CIBAR1: variants seen among roughly 807,000 people sequenced by gnomAD.
The protein encoded by CIBAR1 is CBY1 interacting BAR domain containing 1.
Under a neutral mutation model 44.0 loss-of-function variants are expected in CIBAR1, and 25 were observed. The ratio of observed to expected loss-of-function variants is 0.57; its 90% confidence interval spans 0.41 to 0.79. The LOEUF (loss-of-function observed/expected upper bound fraction) is 0.79. Ranked by LOEUF, CIBAR1 falls within the 30% of genes least tolerant of loss-of-function variation. The pLI is 0.00. For missense variants in CIBAR1, 278 were observed against 344.8 expected, an observed-to-expected ratio of 0.81 and a Z score of 1.53; for synonymous variants, 115 against 119.0, an observed-to-expected ratio of 0.97 and a Z score of 0.22.
At chr8:93,709,917 T>A in intron 6 of CIBAR1, 42 bp downstream of exon 6, 1 of 1,229,468 alleles carries the variant, frequency 8.1e-7, no homozygotes, top group South Asian at 1.4e-5. Context: ...GTTTTTAACC[T>A]TTTTTTTTAC....
At chr8:93,708,223 C>A (rs1269662441) in intron 5 of CIBAR1, among the ~76,000 whole-genome samples, 2 of 152,050 alleles carry the variant, frequency 1.3e-5, no homozygotes, top group Admixed American at 1.3e-4. Context: ...ATAATATTAG[C>A]ACAAGAAACA....
At chr8:93,719,269 T>C (rs964338033) in intron 7 of CIBAR1, among the ~76,000 whole-genome samples, 1 of 152,214 alleles carries the variant, frequency 6.6e-6, no homozygotes, top group Non-Finnish European at 1.5e-5. Context: ...AAATTAACCA[T>C]GGCAAAAGTT....
At chr8:93,710,006 C>T (rs1282364110) in intron 6 of CIBAR1, 131 bp downstream of exon 6, 10 of 650,516 alleles carry the variant, frequency 1.5e-5, no homozygotes, top group South Asian at 5.9e-5. Context: ...AATAAGGGGG[C>T]GGGCACAGTG....
chr8:93,717,604 A>G (rs892831967), intron 6 of CIBAR1, among the ~76,000 whole-genome samples: 2 of 152,190 alleles, frequency 1.3e-5, no homozygotes, highest in African/African-American at 4.8e-5. Context: ...GCTGGAGGAA[A>G]GAATCACAGG....
intron 2 of CIBAR1, chr8:93,702,169 T>C: frequency 2.5e-6 from 1 of 393,846 alleles, no homozygotes; most frequent in Non-Finnish European, 5.1e-6. Flanking sequence ...TTTCAGAACC[T>C]AAAACGGGAA....
rs535936239 is a variant in CIBAR1, at chr8:93,724,744, T to C, written c.658-1650T>C. The stretch of plus-strand genomic sequence containing the variant: ...AACTATTTAAAGTTCAATTTAAAAA[T>C]TCAGCTCCTCGGCCACGTGAACCAC... On this transcript the variant is annotated intron_variant, in intron 7 of 8. Transcript: ENST00000518322. 5 of 1,008,988 alleles carry C rather than the reference T, an allele frequency of 5.0e-6. No homozygotes were observed. In the South Asian group the frequency reaches 1.0e-4, roughly 20 times the overall value. 62.5% of individuals were successfully genotyped at this position (1,008,988 alleles called of 1,614,324 possible).
intron 7 of CIBAR1, among the ~76,000 whole-genome samples, chr8:93,725,428 A>G (rs955890596): frequency 6.6e-6 from 1 of 152,232 alleles, no homozygotes; most frequent in Admixed American, 6.5e-5. Flanking sequence ...GAAGGGGGTC[A>G]GTGAGGATGA....
Position 93,701,370 on chromosome 8 carries a change from A to G in CIBAR1, c.173A>G (p.Tyr58Cys), listed in dbSNP as rs748261801. Reference protein sequence around the residue: ...ADLLVNEINAYAATETPHLKL... With the variant: ...ADLLVNEINACAATETPHLKL... ...CTCCTGGTGAATGAAATTAACGCGT[A>G]TGCTGCTACAGAGACCCCGCATTTA... is the stretch of plus-strand genomic sequence containing the variant. The change falls in exon 2 of 9, where the codon TAT (tyrosine) becomes TGT (cysteine). Residue 58 changes from tyrosine (Y) to cysteine (C), a missense_variant. This residue lies in a region of CIBAR1 where 183 missense variants were observed against 218.6 expected (regional missense o/e 0.84). Transcript: ENST00000518322. 3 of 1,613,876 alleles carry G rather than the reference A, an allele frequency of 1.9e-6. No individual in the cohort carries two copies. In the South Asian group the frequency reaches 3.3e-5, roughly 18 times the overall value.
chr8:93,709,915 C>T, intron 6 of CIBAR1, 40 bp downstream of exon 6: 1 of 1,451,244 alleles, frequency 6.9e-7, no homozygotes, highest in Non-Finnish European at 9.4e-7. Flanking sequence ...ATGTTTTTAA[C>T]CTTTTTTTTT....
chr8:93,714,852 A>G (rs747603317), intron 6 of CIBAR1, among the ~76,000 whole-genome samples: 2 of 152,178 alleles, frequency 1.3e-5, no homozygotes, highest in Non-Finnish European at 2.9e-5. Flanking sequence ...TCTCATAAAC[A>G]TTTCTGTGAG....
intron 7 of CIBAR1, among the ~76,000 whole-genome samples, 167 bp downstream of exon 7, chr8:93,718,955 G>A (rs987124362): frequency 2.6e-5 from 4 of 151,658 alleles, no homozygotes; most frequent in Admixed American, 6.6e-5. Context: ...CTTCCGTCTC[G>A]TGGGTTTAAG....
At chr8:93,709,916 C>A in intron 6 of CIBAR1, 41 bp downstream of exon 6, 2 of 1,412,556 alleles carry the variant, frequency 1.4e-6, no homozygotes, top group Non-Finnish European at 1.9e-6. Context: ...TGTTTTTAAC[C>A]TTTTTTTTTA....
At chr8:93,714,650 CTT>C (rs879352220) in intron 6 of CIBAR1, among the ~76,000 whole-genome samples, 3 of 145,036 alleles carry the variant, frequency 2.1e-5, no homozygotes, top group Admixed American at 6.9e-5. Flanking sequence ...AGCCCCCTTA[CTT>C]TTTTTTTTTT....
chr8:93,703,112 A>G (rs563515954), intron 2 of CIBAR1, among the ~76,000 whole-genome samples: 40 of 152,314 alleles, frequency 2.6e-4, no homozygotes, highest in Non-Finnish European at 4.9e-4. Flanking sequence ...CTTGTTCTGT[A>G]GGCTTCGATA....
chr8:93,702,863 C>T (rs1369299947), intron 2 of CIBAR1, among the ~76,000 whole-genome samples: 1 of 152,060 alleles, frequency 6.6e-6, no homozygotes, highest in Non-Finnish European at 1.5e-5. Context: ...CAATTGAATA[C>T]ATCACCTATC....
intron 3 of CIBAR1, among the ~76,000 whole-genome samples, chr8:93,704,254 A>G (rs1041911302): frequency 6.6e-6 from 1 of 152,224 alleles, no homozygotes. Context: ...GCTTTACTAT[A>G]TGAATATAAG....
intron 4 of CIBAR1, among the ~76,000 whole-genome samples, chr8:93,707,669 T>C (rs1810653521): frequency 6.6e-6 from 1 of 152,182 alleles, no homozygotes; most frequent in African/African-American, 2.4e-5. Context: ...GTGATGAAGT[T>C]GTGGTTTAAA....
At chr8:93,717,477 G>A (rs750515548) in intron 6 of CIBAR1, among the ~76,000 whole-genome samples, 2 of 152,132 alleles carry the variant, frequency 1.3e-5, no homozygotes, top group East Asian at 1.9e-4. Context: ...GTGAATCATC[G>A]TTACAAGTCT....
At position 93,700,560 on chromosome 8, in the gene CIBAR1, C is replaced by G; in HGVS notation, c.-88C>G. ...GAGGGGCGGGCTTTCAGGCTCCCGGCGGCTGCTTGCGCCCCAGCGCGCGCC... is the reference window on the plus strand; with the variant it reads ...GAGGGGCGGGCTTTCAGGCTCCCGGGGGCTGCTTGCGCCCCAGCGCGCGCC... On this transcript the variant is annotated 5_prime_UTR_variant, in exon 1 of 9. Coordinates refer to ENST00000518322, the MANE Select transcript of CIBAR1 (RefSeq NM_145269.5). 5 of 1,369,296 alleles carry G rather than the reference C, an allele frequency of 3.7e-6. No individual in the cohort carries two copies. Among genetic ancestry groups the G allele is most frequent in the Non-Finnish European group, 4.7e-6 (5 of 1,058,878 alleles). The allele number at this position is 1,369,296 out of a possible 1,614,324, so 84.8% of individuals were successfully genotyped here.
Sources: gnomAD v4.1 joint callset for allele counts (sites outside exome capture counted in the v4.1 genomes callset) on GRCh38, gnomAD v4.1.1 for gene constraint, gnomAD v4.1.1 regional missense constraint, MANE v1.5 for transcripts, NCBI Gene and HGNC (gene_info 2026-07-23, HGNC 2026-07-21) for gene names.